SETD3: variants seen among roughly 807,000 people sequenced by gnomAD.
SETD3 encodes the protein SET domain containing 3, actin N3(tau)-histidine methyltransferase.
Under a neutral mutation model 63.0 loss-of-function variants are expected in SETD3, and 19 were observed. The ratio of observed to expected loss-of-function variants is 0.30; its 90% CI spans 0.21 to 0.44. The LOEUF (loss-of-function observed/expected upper bound fraction) is 0.44, where lower values mean the gene tolerates loss of function less well. SETD3 is among the 20% of genes least tolerant of loss of function. The pLI is 1.00. For synonymous variants in SETD3, 286 were observed against 264.1 expected, an observed-to-expected ratio of 1.08 and a Z score of -0.80; for missense variants, 587 against 728.5, an observed-to-expected ratio of 0.81 and a Z score of 2.24.
chr14:99,478,548 T>G (rs1308045012), intron 1 of SETD3, among the ~76,000 whole-genome samples: 1 of 152,170 alleles, frequency 6.6e-6, no homozygotes, highest in Admixed American at 6.5e-5. Context: ...TGAAGAAAAC[T>G]GGTACGCCTC....
intron 8 of SETD3, among the ~76,000 whole-genome samples, chr14:99,409,094 C>T (rs1190492068): frequency 6.6e-6 from 1 of 152,164 alleles, no homozygotes; most frequent in Non-Finnish European, 1.5e-5. Context: ...GGGCAGCCAC[C>T]CGATGTCAAG....
intron 6 of SETD3, among the ~76,000 whole-genome samples, chr14:99,452,763 T>C (rs747797284): frequency 2.6e-5 from 4 of 152,200 alleles, no homozygotes; most frequent in Admixed American, 6.5e-5. Flanking sequence ...CAGAACTGAA[T>C]TGTGCTTGCT....
intron 6 of SETD3, among the ~76,000 whole-genome samples, chr14:99,441,685 C>T (rs1400800980): frequency 1.3e-5 from 2 of 152,176 alleles, no homozygotes; most frequent in African/African-American, 4.8e-5. Context: ...AAGTCCTGGG[C>T]CCTGATCACC....
intron 2 of SETD3, 32 bp from the exon 3 acceptor site, chr14:99,463,610 TTC>T (rs1295693173): frequency 1.3e-6 from 2 of 1,544,972 alleles, no homozygotes; most frequent in Non-Finnish European, 1.8e-6. Context: ...ACTGAAACAC[TTC>T]TCTCTTTCAA....
intron 6 of SETD3, among the ~76,000 whole-genome samples, chr14:99,424,847 G>A (rs946694309): frequency 2.6e-5 from 4 of 152,116 alleles, no homozygotes; most frequent in East Asian, 3.9e-4. Context: ...GAGAGAAGCC[G>A]GTAAGACACA....
At chr14:99,477,797 T>C (rs1041741186) in intron 1 of SETD3, among the ~76,000 whole-genome samples, 2 of 149,058 alleles carry the variant, frequency 1.3e-5, no homozygotes, top group Non-Finnish European at 3.0e-5. Flanking sequence ...TAGGAAAATA[T>C]ATTAATATAT....
chr14:99,447,325 T>C (rs1263957907), intron 6 of SETD3, among the ~76,000 whole-genome samples: 7 of 152,146 alleles, frequency 4.6e-5, no homozygotes, highest in Non-Finnish European at 7.4e-5. Context: ...CTGGACAAAA[T>C]AGAAAAAATG....
chr14:99,434,130 A>G (rs747655665), intron 6 of SETD3, among the ~76,000 whole-genome samples: 3 of 152,260 alleles, frequency 2.0e-5, no homozygotes, highest in Non-Finnish European at 4.4e-5. Flanking sequence ...CTTCACTTGT[A>G]ATAGCCAAAA....
At chr14:99,454,464 G>A (rs1894642093) in intron 6 of SETD3, among the ~76,000 whole-genome samples, 1 of 152,082 alleles carries the variant, frequency 6.6e-6, no homozygotes, top group African/African-American at 2.4e-5. Flanking sequence ...TGGCCACCAG[G>A]AGTTTTGTTT....
intron 6 of SETD3, among the ~76,000 whole-genome samples, chr14:99,436,432 C>T (rs1259293549): frequency 6.6e-6 from 1 of 152,156 alleles, no homozygotes; most frequent in Non-Finnish European, 1.5e-5. Flanking sequence ...CAGGGTCAGG[C>T]ACAGAGCCTG....
In SETD3 at chr14:99,400,091, G is replaced by A. The variant is rs752671676; in HGVS notation, c.1338+8C>T. ...AAGTTCAAAACCTCATTTATTTAGT[G>A]TAATTACCTCAATAGTTGTTTTATA... On this transcript the variant is annotated splice_region_variant and intron_variant, in intron 12 of 12. Coordinates refer to ENST00000331768, the MANE Select transcript of SETD3 (RefSeq NM_032233.3). 8.7e-6 allele frequency: 14 copies of A among 1,600,350 alleles called. No individual in the cohort carries two copies. The highest frequency in any genetic ancestry group is 2.7e-5 in the African/African-American group (2 of 73,940).
chr14:99,449,601 A>G (rs1894340591), intron 6 of SETD3, among the ~76,000 whole-genome samples: 2 of 152,236 alleles, frequency 1.3e-5, no homozygotes, highest in Admixed American at 1.3e-4. Flanking sequence ...GGAGAGACCA[A>G]GGAACTATCC....
chr14:99,440,874 G>A (rs1263632497), intron 6 of SETD3, among the ~76,000 whole-genome samples: 1 of 151,666 alleles, frequency 6.6e-6, no homozygotes, highest in Non-Finnish European at 1.5e-5. Flanking sequence ...ACACAAGCCA[G>A]TTATCTGAAG....
intron 6 of SETD3, among the ~76,000 whole-genome samples, chr14:99,424,966 C>G (rs1011427625): frequency 1.3e-5 from 2 of 151,984 alleles, no homozygotes; most frequent in African/African-American, 4.8e-5. Context: ...CACTCAGCAC[C>G]CGGGAGCAGA....
chr14:99,480,550 C>T (rs985270549), intron 1 of SETD3, among the ~76,000 whole-genome samples, 178 bp downstream of exon 1: 4 of 150,766 alleles, frequency 2.7e-5, no homozygotes, highest in African/African-American at 9.7e-5. Flanking sequence ...CCCGAGCGCA[C>T]ACCTGCCCCT....
At chr14:99,472,955 C>G (rs186848966) in intron 1 of SETD3, among the ~76,000 whole-genome samples, 7 of 152,278 alleles carry the variant, frequency 4.6e-5, no homozygotes, top group African/African-American at 1.7e-4. Flanking sequence ...TAAAAAGGAA[C>G]AGCTAAGCCA....
chr14:99,419,850 C>G (rs1468855055), intron 6 of SETD3, among the ~76,000 whole-genome samples: 3 of 151,596 alleles, frequency 2.0e-5, no homozygotes, highest in African/African-American at 7.3e-5. Context: ...CAATTATGAA[C>G]CAAATTTAGT....
At chr14:99,462,306 G>GA (rs1895111617) in intron 3 of SETD3, among the ~76,000 whole-genome samples, 1 of 152,136 alleles carries the variant, frequency 6.6e-6, no homozygotes, top group Non-Finnish European at 1.5e-5. Context: ...GACATGCATA[G>GA]AAAAAACTAT....
At chr14:99,421,112 G>A (rs117219216) in intron 6 of SETD3, among the ~76,000 whole-genome samples, 3,327 of 114,086 alleles carry the variant, frequency 0.029, 70 homozygotes, top group Admixed American at 0.067. Flanking sequence ...GACTCTAAAC[G>A]ATGACCAAGC....
Sources: gnomAD v4.1 joint callset for allele counts (sites outside exome capture counted in the v4.1 genomes callset) on GRCh38, gnomAD v4.1.1 for gene constraint, MANE v1.5 for transcripts, NCBI Gene and HGNC (gene_info 2026-07-23, HGNC 2026-07-21) for gene names.